C2orf81: variants seen among roughly 807,000 people sequenced by gnomAD.
The protein encoded by C2orf81 is uncharacterized protein C2orf81.
A neutral mutation model predicts 7.9 loss-of-function variants in C2orf81; 5 were observed. The ratio of observed to expected loss-of-function variants is 0.63; its 90% CI spans 0.33 to 1.33. C2orf81 has a LOEUF of 1.33. C2orf81 is among the 40% of genes most tolerant of loss of function. C2orf81 has a pLI of 0.05. For missense variants in C2orf81, 781 were observed against 830.4 expected (o/e 0.94, Z 0.73); for synonymous variants, 346 against 367.4 (o/e 0.94, Z 0.66).
At position 74,415,359 on chromosome 2, in the gene C2orf81, T is replaced by A. The variant is rs1573210776; in HGVS notation, c.818A>T (p.Asp273Val). ...TACCAGGTACGGATCCAGAGAAGGG[T>A]CGGCATCGTCGGCAGGCGCCTCCTC... ...SVEEAPADDADPSLDPYLVAS... is the reference protein window; with the variant it reads ...SVEEAPADDAVPSLDPYLVAS... The change falls in exon 3 of 3, where the codon GAC (aspartate) becomes GTC (valine). Residue 273 changes from aspartate (D) to valine (V), a missense_variant. By Grantham distance (152) the Asp-to-Val change is radical (BLOSUM62 -3). Transcript: ENST00000684111. The surrounding 1 kb of genome is among the most constrained non-coding windows in gnomAD (Gnocchi z 5.5). 1 of 1,501,728 alleles carries A rather than the reference T, an allele frequency of 6.7e-7. No individual in the cohort carries two copies. Among genetic ancestry groups the A allele is most frequent in the Non-Finnish European group, 8.9e-7 (1 of 1,119,616 alleles). The allele number at this position is 1,501,728 out of a possible 1,614,324, so 93.0% of individuals were successfully genotyped here.
chr2:74,415,203 G>C lies in C2orf81; in HGVS notation c.974C>G (p.Pro325Arg), dbSNP rs1676415587. The C allele has an allele frequency of 6.5e-7, 1 of 1,543,474 alleles. No individual in the cohort carries two copies. Among genetic ancestry groups the C allele is most frequent in the Non-Finnish European group, 8.7e-7 (1 of 1,146,504 alleles). The change falls in exon 3 of 3, where the codon CCC becomes CGC. Residue 325 changes from proline (P) to arginine (R), a missense_variant. Physicochemically the swap from Pro to Arg is moderately radical, Grantham distance 103. Coordinates refer to ENST00000684111, the MANE Select transcript of C2orf81 (RefSeq NM_001316764.3). This position sits in a 1 kb window ranked among gnomAD's most constrained non-coding sequence, Gnocchi z 5.5. ...CACCAACACGCCCGAGGCGATGCAG[G>C]GCACCCCCTCTGACCTGAGTTCCAG... ...DRLELRSEGVPCIASGVLVSY... is the reference protein window; with the variant it reads ...DRLELRSEGVRCIASGVLVSY...
rs1220945211 is a variant in C2orf81, at chr2:74,416,213, C to T, written c.47G>A (p.Gly16Glu). Residue 16 changes from glycine to glutamate, a missense_variant, in exon 2 of 3, where the codon GGG (glycine) becomes GAG (glutamate). Coordinates refer to ENST00000684111, the MANE Select transcript of C2orf81 (RefSeq NM_001316764.3). ...TTTTTCCGCCTTGGACCGGGTCACC[C>T]CGCGGTCTCGGACCTGCCTCTCCTG... ...SRQERQVRDR[G>E]VTRSKAEKVR... 8 of 1,406,802 alleles carry T rather than the reference C, an allele frequency of 5.7e-6. No individual in the cohort carries two copies. The highest frequency in any genetic ancestry group is 7.6e-6 in the Non-Finnish European group (8 of 1,059,134). 87.1% of individuals were successfully genotyped at this position (1,406,802 alleles called of 1,614,324 possible). A position where few individuals can be genotyped will look rare whatever the true frequency, so the allele number is the denominator to read the frequency against.
chr2:74,418,556 A>G (rs1676527318), intron 1 of C2orf81: 3 of 746,098 alleles, frequency 4.0e-6, no homozygotes, highest in Non-Finnish European at 4.7e-6. Flanking sequence ...GGCGCTGAGG[A>G]CAGGCCAGTC....
In C2orf81 at chr2:74,415,340, G is replaced by T. The variant is rs1292103140; in HGVS notation, c.837C>A (p.Tyr279Ter). The change falls in exon 3 of 3, where the codon TAC becomes TAA. Residue 279 changes from tyrosine (Y) to a stop codon, truncating the protein, a stop_gained. Transcript: ENST00000684111. LOFTEE classifies it low-confidence loss of function (END_TRUNC). This position sits in a 1 kb window ranked among gnomAD's most constrained non-coding sequence, Gnocchi z 5.5. ...ADDADPSLDP[Y>*]LVASPQASTG... ...TTGAGGCCTGGGGGCTGGCTACCAGGTACGGATCCAGAGAAGGGTCGGCAT... is the reference window on the plus strand; with the variant it reads ...TTGAGGCCTGGGGGCTGGCTACCAGTTACGGATCCAGAGAAGGGTCGGCAT... 21 of 1,534,360 alleles carry T rather than the reference G, an allele frequency of 1.4e-5. No individual in the cohort carries two copies. The East Asian group carries it at 5.2e-4, about 38-fold the overall frequency.
rs1468496851 is a variant in C2orf81 at position 74,415,626 on chromosome 2, A to G, written c.551T>C (p.Phe184Ser). 2.6e-6 allele frequency: 4 copies of G among 1,551,118 alleles called. No homozygotes were observed. The East Asian group carries it at 9.8e-5, about 38-fold the overall frequency. The change falls in exon 3 of 3, where the codon TTT (phenylalanine) becomes TCT (serine). Residue 184 changes from phenylalanine to serine, a missense_variant. Coordinates refer to ENST00000684111, the MANE Select transcript of C2orf81 (RefSeq NM_001316764.3). The surrounding 1 kb of genome is among the most constrained non-coding windows in gnomAD (Gnocchi z 5.5). ...GTCCACGCCCCCAGGGTCCTGGGGA[A>G]ATGCACTCGGGCAGTGAGATGTCGG... is the stretch of plus-strand genomic sequence containing the variant. ...PFPTSHCPSA[F>S]PQDPGGVDRI...
Position 74,415,186 on chromosome 2 carries a change from C to A in C2orf81, c.991G>T (p.Val331Leu). ...SEGVPCIASGVLVSYPSVGGA... is the reference protein window; with the variant it reads ...SEGVPCIASGLLVSYPSVGGA... ...CCCACAGAGGGGTAGGACACCAACACGCCCGAGGCGATGCAGGGCACCCCC... is the reference window on the plus strand; with the variant it reads ...CCCACAGAGGGGTAGGACACCAACAAGCCCGAGGCGATGCAGGGCACCCCC... The change falls in exon 3 of 3, where the codon GTG becomes TTG. Residue 331 changes from valine (V) to leucine (L), a missense_variant. Physicochemically the swap from Val to Leu is conservative, Grantham distance 32. Transcript: ENST00000684111. The surrounding 1 kb of genome is among the most constrained non-coding windows in gnomAD (Gnocchi z 5.5). 6.5e-7 allele frequency: 1 copy of A among 1,547,302 alleles called. No individual in the cohort carries two copies. The highest frequency in any genetic ancestry group is 8.7e-7 in the Non-Finnish European group (1 of 1,145,318).
In C2orf81 at chr2:74,415,558, C is replaced by A. The variant is rs1676432296; in HGVS notation, c.619G>T (p.Glu207Ter). Reference protein sequence around the residue: ...GRSWMGRGSQEQMESWEPSPQ... With the variant: ...GRSWMGRGSQ ...GAAGGCTCCCAAGATTCCATCTGCT[C>A]CTGGGAGCCTCGACCCATCCACGAC... The change falls in exon 3 of 3, where the codon GAG becomes TAG. Residue 207 changes from glutamate (E) to a stop codon, truncating the protein, a stop_gained. Coordinates refer to ENST00000684111, the MANE Select transcript of C2orf81 (RefSeq NM_001316764.3). LOFTEE classifies it low-confidence loss of function (END_TRUNC). This position sits in a 1 kb window ranked among gnomAD's most constrained non-coding sequence, Gnocchi z 5.5. The A allele has an allele frequency of 6.4e-7, 1 of 1,550,572 alleles. No individual in the cohort carries two copies.
intron 1 of C2orf81, among the ~76,000 whole-genome samples, chr2:74,420,087 A>C (rs1054527151): frequency 6.6e-6 from 1 of 152,244 alleles, no homozygotes. Flanking sequence ...CAATGGCATA[A>C]AGCAAATGTT....
In C2orf81 at chr2:74,418,357, G is replaced by T. The variant is rs764410243; in HGVS notation, c.19-2116C>A. Reference sequence around the variant, plus strand: ...GGGACTCACCGGAGGCTGCTTGCGCGGCCTGCCACGGCCCCGCTTCTCAGT... The same window carrying T: ...GGGACTCACCGGAGGCTGCTTGCGCTGCCTGCCACGGCCCCGCTTCTCAGT... On this transcript the variant is annotated intron_variant, in intron 1 of 2. Coordinates refer to ENST00000684111, the MANE Select transcript of C2orf81 (RefSeq NM_001316764.3). The T allele has an allele frequency of 2.5e-6, 4 of 1,596,448 alleles. No homozygotes were observed. The Admixed American group carries it at 6.7e-5, about 27-fold the overall frequency.
rs1463150472 is a variant in C2orf81, at chr2:74,420,990, C to T, written c.18+553G>A. Among the ~76,000 whole-genome samples the T allele has an allele frequency of 2.0e-5, 3 of 152,120 alleles. No homozygotes were observed. In the East Asian group the frequency reaches 5.8e-4, roughly 29 times the overall value. On this transcript the variant is annotated intron_variant, in intron 1 of 2. Coordinates refer to ENST00000684111, the MANE Select transcript of C2orf81 (RefSeq NM_001316764.3). ...CGAGACGGGGTCTCGCCATGTTGGC[C>T]TGGCTGGTCTTGAACTCCTGAGCTC...
At chr2:74,417,245 G>C in intron 1 of C2orf81, 1 of 504,968 alleles carries the variant, frequency 2.0e-6, no homozygotes, top group Non-Finnish European at 3.3e-6. Context: ...GGAGGGCTGG[G>C]AGTGGGAAGG....
chr2:74,419,802 C>T (rs1676552634), intron 1 of C2orf81, among the ~76,000 whole-genome samples: 1 of 152,150 alleles, frequency 6.6e-6, no homozygotes, highest in Non-Finnish European at 1.5e-5. Flanking sequence ...GACGGAATCT[C>T]GCTCTGTCAC....
intron 1 of C2orf81, chr2:74,417,856 G>T (rs1397719941): frequency 1.1e-5 from 5 of 464,926 alleles, no homozygotes; most frequent in African/African-American, 8.0e-5. Flanking sequence ...CAGGACATTA[G>T]CCTTGTCCAG....
At chr2:74,416,894 A>C (rs1676484614) in intron 1 of C2orf81, among the ~76,000 whole-genome samples, 1 of 152,172 alleles carries the variant, frequency 6.6e-6, no homozygotes, top group Admixed American at 6.5e-5. Flanking sequence ...AGGCTGGGAC[A>C]AATCATGGCT....
At position 74,415,936 on chromosome 2, in the gene C2orf81, G is replaced by C; in HGVS notation, c.250-9C>G. 1 of 1,546,982 alleles carries C rather than the reference G, an allele frequency of 6.5e-7. No homozygotes were observed. The highest frequency in any genetic ancestry group is 8.7e-7 in the Non-Finnish European group (1 of 1,143,402). ...ATGGTGAATGGAATGCACTGCGGAG[G>C]CGAGAGAGGATCTCAGGTCGGCAGG... is the stretch of plus-strand genomic sequence containing the variant. On this transcript the variant is annotated splice_polypyrimidine_tract_variant and intron_variant, in intron 2 of 2. Transcript: ENST00000684111. This position sits in a 1 kb window ranked among gnomAD's most constrained non-coding sequence, Gnocchi z 5.5.
Position 74,414,950 on chromosome 2 carries a change from C to T in C2orf81, c.1227G>A (p.Gln409=), listed in dbSNP as rs977405034. 4.5e-6 allele frequency: 7 copies of T among 1,546,684 alleles called. No individual in the cohort carries two copies. In the African/African-American group the frequency reaches 9.6e-5, roughly 21 times the overall value. ...CCCGGGCCTTGGTCTTCTCGCCCCG[C>T]TGGCGTCCGCGGTAGGCTTCCAAGG... ...TRPLEAYRGR[Q]RGEKTKARAE... The change falls in exon 3 of 3, where the codon CAG becomes CAA. Residue 409 remains glutamine, a synonymous_variant. Transcript: ENST00000684111. The surrounding 1 kb of genome is among the most constrained non-coding windows in gnomAD (Gnocchi z 5.3).
Position 74,415,498 on chromosome 2 carries a change from T to G in C2orf81, c.679A>C (p.Thr227Pro), listed in dbSNP as rs1676429774. The change falls in exon 3 of 3, where the codon ACA becomes CCA. Residue 227 changes from threonine (T) to proline (P), a missense_variant. Thr to Pro is a conservative substitution (Grantham distance 38). Coordinates refer to ENST00000684111, the MANE Select transcript of C2orf81 (RefSeq NM_001316764.3). The surrounding 1 kb of genome is among the most constrained non-coding windows in gnomAD (Gnocchi z 5.5). Reference sequence around the variant, plus strand: ...CCTGCCTCCTGAAACAGCTCTGATGTGGGAGGAGGGGCCGACGTGACTCTC... The same window carrying G: ...CCTGCCTCCTGAAACAGCTCTGATGGGGGAGGAGGGGCCGACGTGACTCTC... ...QLRVTSAPPP[T>P]SELFQEAGPG... 2 of 1,543,720 alleles carry G rather than the reference T, an allele frequency of 1.3e-6. No homozygotes were observed.
In C2orf81 at chr2:74,414,724, C is replaced by G. The variant is rs1294141002; in HGVS notation, c.1453G>C (p.Val485Leu). The change falls in exon 3 of 3, where the codon GTG becomes CTG. Residue 485 changes from valine to leucine, a missense_variant. Physicochemically the swap from Val to Leu is conservative, Grantham distance 32. Coordinates refer to ENST00000684111, the MANE Select transcript of C2orf81 (RefSeq NM_001316764.3). The surrounding 1 kb of genome is among the most constrained non-coding windows in gnomAD (Gnocchi z 5.3). ...SRIRFLTTHPVLPDVARSRSP... is the reference protein window; with the variant it reads ...SRIRFLTTHPLLPDVARSRSP... Reference sequence around the variant, plus strand: ...CGGCTGCGGGCCACATCAGGGAGCACCGGGTGTGTGGTGAGGAAGCGGATC... The same window carrying G: ...CGGCTGCGGGCCACATCAGGGAGCAGCGGGTGTGTGGTGAGGAAGCGGATC... 4.5e-6 allele frequency: 7 copies of G among 1,547,620 alleles called. No homozygotes were observed. Among genetic ancestry groups the G allele is most frequent in the African/African-American group, 1.4e-5 (1 of 72,992 alleles).
At chr2:74,417,903 G>A (rs964140148) in intron 1 of C2orf81, among the ~76,000 whole-genome samples, 1 of 151,388 alleles carries the variant, frequency 6.6e-6, no homozygotes, top group Non-Finnish European at 1.5e-5. Context: ...ACGGGGGGAG[G>A]AGGGGGTAGG....
Sources: allele counts gnomAD v4.1 joint callset (sites outside exome capture counted in the v4.1 genomes callset), GRCh38; gene constraint gnomAD v4.1.1; non-coding constraint Gnocchi (gnomAD v3.1); transcripts MANE v1.5; gene names NCBI Gene and HGNC (gene_info 2026-07-23, HGNC 2026-07-21).